The following ABCA10 variants were observed in gnomAD, a reference collection of about 807,000 sequenced individuals.
ABCA10 encodes the protein ATP binding cassette subfamily A member 10, also known as ATP-binding cassette sub-family A member 10.
ABCA10 carries 169 observed loss-of-function variants against 187.5 expected under a neutral mutation model. The observed-to-expected ratio is 0.90, with a 90% CI of 0.80 to 1.02. The LOEUF (loss-of-function observed/expected upper bound fraction) is 1.02, where lower values mean the gene tolerates loss of function less well. Ranked by LOEUF, ABCA10 falls within the 50% of genes least tolerant of loss-of-function variation. The pLI is 0.00. For missense variants in ABCA10, 1,727 were observed against 1,812.4 expected (o/e 0.95, Z 0.86); for synonymous variants, 574 against 601.8 (o/e 0.95, Z 0.68).
upstream of ABCA10, among the ~76,000 whole-genome samples, chr17:69,232,280 T>C (rs554746876): frequency 5.3e-5 from 8 of 152,258 alleles, no homozygotes; most frequent in South Asian, 1.7e-3. Flanking sequence ...GCCATTTTGA[T>C]ACCTGTTTTC....
chr17:69,158,970 C>A (rs528030429), intron 27 of ABCA10, among the ~76,000 whole-genome samples: 2 of 151,922 alleles, frequency 1.3e-5, no homozygotes, highest in South Asian at 4.2e-4. Flanking sequence ...TAACTAAATG[C>A]CCTTTTTTGG....
chr17:69,192,810 T>C (rs534307425), intron 15 of ABCA10, among the ~76,000 whole-genome samples, 157 bp from the exon 16 acceptor site: 2 of 152,322 alleles, frequency 1.3e-5, no homozygotes, highest in Non-Finnish European at 2.9e-5. Flanking sequence ...CTAATCCCCA[T>C]GCCTATTGTG....
intron 1 of ABCA10, chr17:69,234,864 C>T (rs2074856335): frequency 6.6e-6 from 1 of 152,186 alleles, no homozygotes; most frequent in Non-Finnish European, 1.5e-5. Flanking sequence ...CAAGTCTCTT[C>T]TAACAATTGG....
rs766529222 is a variant in ABCA10 at position 69,193,625 on chromosome 17, ACT to A, written c.1522-15_1522-14del. 17 of 1,591,988 alleles carry A rather than the reference ACT, an allele frequency of 1.1e-5. No individual in the cohort carries two copies. Among genetic ancestry groups the A allele is most frequent in the South Asian group, 1.0e-4 (9 of 87,660 alleles). On this transcript the variant is annotated splice_polypyrimidine_tract_variant and intron_variant, in intron 13 of 38. Coordinates refer to ENST00000690296, the MANE Select transcript of ABCA10 (RefSeq NM_001377321.1). ...TAATTCTTTTTACCTATCAAAGAAA[ACT>A]CTGTGTTAACAATATCAAATATTTT...
chr17:69,206,611 G>T (rs1046614930), intron 9 of ABCA10, among the ~76,000 whole-genome samples: 2 of 152,170 alleles, frequency 1.3e-5, no homozygotes, highest in Non-Finnish European at 2.9e-5. Context: ...TCCTGTCTGT[G>T]CAAAAGCATT....
intron 1 of ABCA10, among the ~76,000 whole-genome samples, chr17:69,243,413 G>A (rs978701915): frequency 2.6e-5 from 4 of 152,126 alleles, no homozygotes; most frequent in Non-Finnish European, 5.9e-5. Flanking sequence ...TAATACTGTA[G>A]GCAACTGTAA....
In ABCA10 at chr17:69,148,113, A is replaced by G. The variant is rs1215051451; in HGVS notation, c.*714T>C. ...GCTATAACATTAATGCAGCAATTATATAACACAAAAGTGCTATAATGACAT... is the reference window on the plus strand; with the variant it reads ...GCTATAACATTAATGCAGCAATTATGTAACACAAAAGTGCTATAATGACAT... On this transcript the variant is annotated 3_prime_UTR_variant, in exon 39 of 39. Transcript: ENST00000690296. 6.6e-6 allele frequency: 1 copy of G among 152,210 alleles called. No individual in the cohort carries two copies. Among genetic ancestry groups the G allele is most frequent in the African/African-American group, 2.4e-5 (1 of 41,448 alleles). 9.4% of individuals were successfully genotyped at this position (152,210 alleles called of 1,614,324 possible).
chr17:69,158,000 A>C (rs1340769096), intron 27 of ABCA10, among the ~76,000 whole-genome samples: 1 of 152,058 alleles, frequency 6.6e-6, no homozygotes, highest in Non-Finnish European at 1.5e-5. Flanking sequence ...CATTCTTAAC[A>C]GAGGCTCACA....
At chr17:69,177,969 AAAAAATAT>A (rs1181384055) in intron 22 of ABCA10, among the ~76,000 whole-genome samples, 15 of 55,004 alleles carry the variant, frequency 2.7e-4, no homozygotes, top group African/African-American at 5.9e-4. Context: ...AAAAAAAAAA[AAAAAATAT>A]ATATATATAT....
rs1568075964 is a variant in ABCA10, at chr17:69,225,393, G to A, written c.-35C>T. The stretch of plus-strand genomic sequence containing the variant: ...TGTTATGTTACTGACTGGTGTATAT[G>A]CCACTACCAGGCCAGAGTCATTAAA... On this transcript the variant is annotated 5_prime_UTR_variant, in exon 3 of 39. Transcript: ENST00000690296. The A allele has an allele frequency of 1.2e-6, 2 of 1,610,022 alleles. No homozygotes were observed. The highest frequency in any genetic ancestry group is 2.2e-5 in the East Asian group (1 of 44,814).
chr17:69,214,504 G>C (rs1219794166), intron 9 of ABCA10, among the ~76,000 whole-genome samples, 200 bp downstream of exon 9: 1 of 113,730 alleles, frequency 8.8e-6, no homozygotes, highest in Non-Finnish European at 1.9e-5. Context: ...GACAGAGCGA[G>C]ACTCCGTCTC....
intron 25 of ABCA10, among the ~76,000 whole-genome samples, chr17:69,173,545 T>G (rs886978304): frequency 6.6e-6 from 1 of 152,072 alleles, no homozygotes; most frequent in Non-Finnish European, 1.5e-5. Context: ...CTTGCTCTCT[T>G]TCTCACCGCT....
chr17:69,222,760 C>A, intron 3 of ABCA10, 63 bp from the exon 4 acceptor site: 1 of 1,400,564 alleles, frequency 7.1e-7, no homozygotes, highest in Non-Finnish European at 9.5e-7. Flanking sequence ...GACACAAAAA[C>A]AAAATACAGT....
At chr17:69,173,522 T>A (rs2074312088) in intron 25 of ABCA10, among the ~76,000 whole-genome samples, 1 of 151,424 alleles carries the variant, frequency 6.6e-6, no homozygotes, top group Non-Finnish European at 1.5e-5. Flanking sequence ...AAAGAGAGAG[T>A]CAAAGTGTAG....
At chr17:69,211,305 C>CAT (rs775554970) in intron 9 of ABCA10, among the ~76,000 whole-genome samples, 1 of 9,730 alleles carries the variant, frequency 1.0e-4, no homozygotes, top group African/African-American at 4.9e-4. Flanking sequence ...ATATATACAT[C>CAT]ATATATATGA....
rs567190124 is a variant in ABCA10 at position 69,202,331 on chromosome 17, G to GA, written c.1007-664dup. On this transcript the variant is annotated intron_variant, in intron 9 of 38. Coordinates refer to ENST00000690296, the MANE Select transcript of ABCA10 (RefSeq NM_001377321.1). ...GAAGATATATTATTTTGATAATATAGAAAAAAACAAATATTGAAAATAGTG... is the reference window on the plus strand; with the variant it reads ...GAAGATATATTATTTTGATAATATAGAAAAAAAACAAATATTGAAAATAGTG... Among the ~76,000 whole-genome samples the GA allele has an allele frequency of 6.1e-4, 92 of 152,050 alleles. 5 individuals are homozygous for GA. In the South Asian group the frequency reaches 0.018, roughly 30 times the overall value.
rs756385011 is a variant in ABCA10 at position 69,174,347 on chromosome 17, A to AT, written c.3095dup (p.Tyr1032Ter). Residue 1032 changes from tyrosine (Y) to a stop codon, truncating the protein, a stop_gained and frameshift_variant, in exon 25 of 39, where the codon TAT (tyrosine) becomes TAAT (stop). Coordinates refer to ENST00000690296, the MANE Select transcript of ABCA10 (RefSeq NM_001377321.1). LOFTEE classifies it high-confidence loss of function. ...ACTTGCGAAAGATGAATGAAAGCAC[A>AT]TATGTGAGGAATATAAGAGAAACTG... ...GCAVSLIFLT[Y>*]VLSFIFRKWR... 6.1e-5 allele frequency: 98 copies of AT among 1,604,802 alleles called. No homozygotes were observed. Among genetic ancestry groups the AT allele is most frequent in the Non-Finnish European group, 2.5e-6 (3 of 1,177,600 alleles).
In ABCA10 at chr17:69,174,306, C is replaced by A; in HGVS notation, c.3137G>T (p.Gly1046Val). The A allele has an allele frequency of 6.8e-6, 11 of 1,606,550 alleles. No homozygotes were observed. The highest frequency in any genetic ancestry group is 9.3e-6 in the Non-Finnish European group (11 of 1,177,338). Reference protein sequence around the residue: ...FIFRKWRKNNGFWSFGFFIIL... With the variant: ...FIFRKWRKNNVFWSFGFFIIL... ...AATAAAAAAGCCAAAAGACCAAAAG[C>A]CATTATTTTTTCTCCACTTGCGAAA... The change falls in exon 25 of 39, where the codon GGC (glycine) becomes GTC (valine). Residue 1046 changes from glycine to valine, a missense_variant. Transcript: ENST00000690296.
intron 27 of ABCA10, 46 bp downstream of exon 27, chr17:69,164,028 A>G: frequency 7.1e-7 from 1 of 1,417,312 alleles, no homozygotes; most frequent in South Asian, 1.4e-5. Context: ...TCACGGGGCT[A>G]TGAATCTTAT....
Sources: gnomAD v4.1 joint callset for allele counts (sites outside exome capture counted in the v4.1 genomes callset) on GRCh38, gnomAD v4.1.1 for gene constraint, MANE v1.5 for transcripts, NCBI Gene and HGNC (gene_info 2026-07-23, HGNC 2026-07-21) for gene names.